PAG1: variants seen among roughly 807,000 people sequenced by gnomAD.
The protein encoded by PAG1 is phosphoprotein associated with glycosphingolipid-enriched microdomains 1.
Under a neutral mutation model 31.7 loss-of-function variants are expected in PAG1, and 23 were observed. That is an observed-to-expected ratio of 0.73 (90% CI 0.52 to 1.03). PAG1 has a LOEUF of 1.03. Among genes scored for constraint, PAG1 ranks in the 50% least tolerant of loss-of-function variants. The pLI is 0.00. For synonymous variants in PAG1, 214 were observed against 210.3 expected, an observed-to-expected ratio of 1.02 and a Z score of -0.15; for missense variants, 473 against 540.7, an observed-to-expected ratio of 0.87 and a Z score of 1.24.
chr8:80,990,387 A>G lies in PAG1; in HGVS notation c.177+1092T>C, dbSNP rs1807516168. On this transcript the variant is annotated intron_variant, in intron 5 of 8. Transcript: ENST00000220597. The surrounding 1 kb of genome is among the most constrained non-coding windows in gnomAD (Gnocchi z 5.1). ...CAAACGTCTGCTGGCTGCGGGTTTT[A>G]CGCCAGACCTTGGCTCATCCATGCT... Among the ~76,000 whole-genome samples, 1 of 152,086 alleles carries G rather than the reference A, an allele frequency of 6.6e-6. No homozygotes were observed. Among genetic ancestry groups the G allele is most frequent in the African/African-American group, 2.4e-5 (1 of 41,386 alleles).
chr8:81,020,578 C>T (rs1389001671), intron 3 of PAG1, among the ~76,000 whole-genome samples: 3 of 152,118 alleles, frequency 2.0e-5, no homozygotes, highest in African/African-American at 7.2e-5. Flanking sequence ...TGCCTTCTAC[C>T]ATGATTATGA....
chr8:81,034,989 A>C (rs1808439927), intron 2 of PAG1, among the ~76,000 whole-genome samples: 1 of 152,112 alleles, frequency 6.6e-6, no homozygotes. Context: ...ACAACCTCCA[A>C]GGAACAAGGC....
At chr8:81,047,154 T>C (rs1462957315) in intron 2 of PAG1, among the ~76,000 whole-genome samples, 1 of 152,238 alleles carries the variant, frequency 6.6e-6, no homozygotes, top group Non-Finnish European at 1.5e-5. Flanking sequence ...GCAATGAACA[T>C]ATGTGTGCAT....
chr8:81,042,048 T>C (rs1349117891), intron 2 of PAG1, among the ~76,000 whole-genome samples: 2 of 152,208 alleles, frequency 1.3e-5, no homozygotes, highest in Non-Finnish European at 2.9e-5. Context: ...ATAAATGACA[T>C]AGATTAGTAT....
intron 2 of PAG1, among the ~76,000 whole-genome samples, chr8:81,048,239 C>A (rs891465085): frequency 2.0e-4 from 30 of 152,126 alleles, no homozygotes; most frequent in Admixed American, 1.5e-3. Context: ...TAGATTCTGC[C>A]CAGTTCACTT....
chr8:81,004,227 T>C (rs1307240703), intron 3 of PAG1, among the ~76,000 whole-genome samples: 1 of 152,166 alleles, frequency 6.6e-6, no homozygotes, highest in African/African-American at 2.4e-5. Context: ...ACCCAAAATA[T>C]TGAAAATCTT....
At position 81,056,295 on chromosome 8, in the gene PAG1, C is replaced by T. The variant is rs1311469057; in HGVS notation, c.-175+13817G>A. ...TAAGCCAAAAGAACAAAGCTGGAGG[C>T]ATCACGCTACCTGACTTCAAACTAT... On this transcript the variant is annotated intron_variant, in intron 2 of 8. Coordinates refer to ENST00000220597, the MANE Select transcript of PAG1 (RefSeq NM_018440.4). Among the ~76,000 whole-genome samples, 11 of 152,280 alleles carry T rather than the reference C, an allele frequency of 7.2e-5. 1 individual carries two copies. Among genetic ancestry groups the T allele is most frequent in the African/African-American group, 2.6e-4 (11 of 41,548 alleles).
At chr8:81,089,595 G>A (rs1419225758) in intron 1 of PAG1, among the ~76,000 whole-genome samples, 2 of 151,334 alleles carry the variant, frequency 1.3e-5, no homozygotes, top group South Asian at 2.1e-4. Context: ...AAAGAACCCT[G>A]AGTTTAGGGA....
At chr8:81,053,220 G>A (rs1808761226) in intron 2 of PAG1, among the ~76,000 whole-genome samples, 1 of 152,198 alleles carries the variant, frequency 6.6e-6, no homozygotes, top group Admixed American at 6.5e-5. Flanking sequence ...TACCCTGCCA[G>A]CCAATGAGGC....
At chr8:81,032,693 C>A (rs866974839) in intron 2 of PAG1, among the ~76,000 whole-genome samples, 34 of 152,254 alleles carry the variant, frequency 2.2e-4, no homozygotes, top group African/African-American at 8.2e-4. Flanking sequence ...AGAGAGTTAC[C>A]ATGTGACCCA....
chr8:81,072,812 T>A (rs1809116279), intron 1 of PAG1, among the ~76,000 whole-genome samples: 2 of 151,936 alleles, frequency 1.3e-5, no homozygotes, highest in Admixed American at 6.6e-5. Context: ...GATGAGGGAG[T>A]GGGTGCATGT....
chr8:80,992,115 G>T (rs1263499334), intron 4 of PAG1, among the ~76,000 whole-genome samples: 2 of 152,008 alleles, frequency 1.3e-5, no homozygotes, highest in Non-Finnish European at 2.9e-5. Flanking sequence ...TAAAACAAGG[G>T]TGACACCTAG....
At chr8:81,006,111 A>T (rs13270061) in intron 3 of PAG1, among the ~76,000 whole-genome samples, 94,180 of 151,500 alleles carry the variant, frequency 0.62, 29,921 homozygotes, top group Admixed American at 0.7. Flanking sequence ...CCTGGCTAAT[A>T]TTTGTATCTT....
chr8:81,078,112 C>G (rs188386596), intron 1 of PAG1, among the ~76,000 whole-genome samples: 133 of 152,362 alleles, frequency 8.7e-4, no homozygotes, highest in African/African-American at 3.0e-3. Context: ...GCTACTTTAT[C>G]TCCTTCAGTG....
chr8:80,992,643 T>A (rs746768826), intron 4 of PAG1, among the ~76,000 whole-genome samples: 9 of 152,290 alleles, frequency 5.9e-5, no homozygotes, highest in Middle Eastern at 3.4e-3. Flanking sequence ...CCTTGGAAAA[T>A]AATCTGTTTC....
At chr8:81,090,260 A>G (rs7006991) in intron 1 of PAG1, among the ~76,000 whole-genome samples, 22,706 of 152,190 alleles carry the variant, frequency 0.15, 5,008 homozygotes, top group African/African-American at 0.48. Context: ...CCTGGGGTGG[A>G]CTATAAAACA....
intron 8 of PAG1, among the ~76,000 whole-genome samples, chr8:80,979,477 A>G (rs949194413): frequency 6.6e-6 from 1 of 152,164 alleles, no homozygotes; most frequent in African/African-American, 2.4e-5. Flanking sequence ...AAGTATCGAG[A>G]TGACCCCTAG....
rs1807140812 is a variant in PAG1 at position 80,974,302 on chromosome 8, T to C, written c.*2242A>G. On this transcript the variant is annotated 3_prime_UTR_variant, in exon 9 of 9. Transcript: ENST00000220597. ...CATTCACAATGCTAGGTGTGTAAGA[T>C]GACATGGCTGTTACCATGTACTAAA... is the stretch of plus-strand genomic sequence containing the variant. The C allele has an allele frequency of 6.6e-6, 1 of 152,168 alleles. No individual in the cohort carries two copies. Among genetic ancestry groups the C allele is most frequent in the South Asian group, 2.1e-4 (1 of 4,838 alleles). 9.4% of individuals were successfully genotyped at this position (152,168 alleles called of 1,614,324 possible). A position where few individuals can be genotyped will look rare whatever the true frequency, so the allele number is the denominator to read the frequency against.
At chr8:81,031,297 C>A (rs1808373994) in intron 2 of PAG1, among the ~76,000 whole-genome samples, 1 of 152,190 alleles carries the variant, frequency 6.6e-6, no homozygotes, top group Non-Finnish European at 1.5e-5. Context: ...CATGGGCTGT[C>A]TTCTTCTAAG....
Sources: allele counts gnomAD v4.1 joint callset (sites outside exome capture counted in the v4.1 genomes callset), GRCh38; gene constraint gnomAD v4.1.1; non-coding constraint Gnocchi (gnomAD v3.1); transcripts MANE v1.5; gene names NCBI Gene and HGNC (gene_info 2026-07-23, HGNC 2026-07-21).